FREM1: variants seen among roughly 807,000 people sequenced by gnomAD.
The protein encoded by FREM1 is FRAS1 related extracellular matrix 1.
FREM1 carries 220 observed loss-of-function variants against 210.1 expected under a neutral mutation model. The observed-to-expected ratio is 1.05, with a 90% CI of 0.94 to 1.17. The LOEUF is 1.17. Ranked by LOEUF, FREM1 falls within the 50% of genes most tolerant of loss-of-function variation. FREM1 has a pLI of 0.00. For missense variants in FREM1, 3,454 were observed against 2,675.5 expected (o/e 1.29, Z -6.42); for synonymous variants, 1,189 against 980.2 (o/e 1.21, Z -3.98).
intron 23 of FREM1, 113 bp from the exon 24 acceptor site, chr9:14,784,747 T>C (rs1435288183): frequency 1.9e-5 from 12 of 647,124 alleles, no homozygotes; most frequent in Non-Finnish European, 2.8e-5. Flanking sequence ...TAATACGACA[T>C]AGAAAGGTTT....
chr9:14,763,360 G>A (rs1845845503), intron 27 of FREM1, among the ~76,000 whole-genome samples: 1 of 152,118 alleles, frequency 6.6e-6, no homozygotes, highest in Non-Finnish European at 1.5e-5. Flanking sequence ...ACCCCCACTT[G>A]AGAACTTCTT....
At chr9:14,812,094 T>C (rs1819505846) in intron 16 of FREM1, among the ~76,000 whole-genome samples, 2 of 152,128 alleles carry the variant, frequency 1.3e-5, no homozygotes, top group Admixed American at 6.5e-5. Flanking sequence ...TGCATGCAAA[T>C]GGGTTTTGTC....
At chr9:14,812,297 G>A (rs1264065500) in intron 16 of FREM1, among the ~76,000 whole-genome samples, 1 of 152,202 alleles carries the variant, frequency 6.6e-6, no homozygotes, top group Non-Finnish European at 1.5e-5. Flanking sequence ...AACATTTTCT[G>A]TACATCTAAC....
intron 27 of FREM1, among the ~76,000 whole-genome samples, chr9:14,761,479 G>A (rs975961155): frequency 1.3e-5 from 2 of 152,090 alleles, no homozygotes; most frequent in Non-Finnish European, 2.9e-5. Flanking sequence ...GAAACTTTAT[G>A]GGTCTCTGAT....
intron 20 of FREM1, among the ~76,000 whole-genome samples, chr9:14,800,543 G>A (rs950558455): frequency 6.6e-6 from 1 of 152,066 alleles, no homozygotes; most frequent in Non-Finnish European, 1.5e-5. Context: ...TATTATATGT[G>A]GTTCTATATT....
At chr9:14,873,403 T>C (rs1012317986) in intron 1 of FREM1, among the ~76,000 whole-genome samples, 3 of 152,154 alleles carry the variant, frequency 2.0e-5, no homozygotes, top group Non-Finnish European at 4.4e-5. Context: ...CTTCGGAGGG[T>C]GTATGTGTCG....
intron 20 of FREM1, 107 bp downstream of exon 20, chr9:14,801,545 T>G: frequency 1.3e-6 from 1 of 769,230 alleles, no homozygotes; most frequent in Non-Finnish European, 2.1e-6. Context: ...TAACCATCAT[T>G]CTACTCTCTG....
At chr9:14,885,987 C>T (rs1412243630) in intron 1 of FREM1, among the ~76,000 whole-genome samples, 1 of 152,162 alleles carries the variant, frequency 6.6e-6, no homozygotes, top group Non-Finnish European at 1.5e-5. Context: ...TCAGCACCTC[C>T]CCAGTCCTCC....
chr9:14,896,538 C>A (rs1837759167), intron 1 of FREM1, among the ~76,000 whole-genome samples: 1 of 130,760 alleles, frequency 7.6e-6, no homozygotes, highest in Non-Finnish European at 1.6e-5. Flanking sequence ...GAGCGAGACT[C>A]CATCTCAAAA....
chr9:14,772,815 T>C (rs1321108884), intron 25 of FREM1, among the ~76,000 whole-genome samples: 1 of 152,160 alleles, frequency 6.6e-6, no homozygotes, highest in Non-Finnish European at 1.5e-5. Context: ...CTAAGCCATA[T>C]AAGAAATACC....
rs1405850115 is a variant in FREM1 at position 14,859,499 on chromosome 9, G to C, written c.330-15C>G. The stretch of plus-strand genomic sequence containing the variant: ...TTTCAGTAAATCTGTGGAGAACACA[G>C]GGCAAAAGCAATATTAATTGGTGCT... On this transcript the variant is annotated splice_polypyrimidine_tract_variant and intron_variant, in intron 3 of 36. Transcript: ENST00000380880. 6 of 1,597,666 alleles carry C rather than the reference G, an allele frequency of 3.8e-6. No individual in the cohort carries two copies. Among genetic ancestry groups the C allele is most frequent in the African/African-American group, 2.7e-5 (2 of 74,436 alleles).
intron 1 of FREM1, among the ~76,000 whole-genome samples, chr9:14,884,753 T>G (rs1014629421): frequency 6.6e-6 from 1 of 152,080 alleles, no homozygotes; most frequent in East Asian, 1.9e-4. Context: ...CTCAATGCAA[T>G]GGAAATTCTT....
At chr9:14,882,496 T>G (rs1437183340) in intron 1 of FREM1, among the ~76,000 whole-genome samples, 1 of 151,218 alleles carries the variant, frequency 6.6e-6, no homozygotes, top group Non-Finnish European at 1.5e-5. Flanking sequence ...ATTCTTGTTC[T>G]GTCACCCAGG....
At chr9:14,813,493 T>C (rs1819760232) in intron 15 of FREM1, among the ~76,000 whole-genome samples, 1 of 152,188 alleles carries the variant, frequency 6.6e-6, no homozygotes, top group African/African-American at 2.4e-5. Context: ...ACTTGGTGAT[T>C]ACAAAGCTTT....
Position 14,776,764 on chromosome 9 carries a change from T to G in FREM1, c.4443-561A>C, listed in dbSNP as rs539503912. 8.5e-5 allele frequency among the ~76,000 whole-genome samples: 13 copies of G among 152,294 alleles called. No individual in the cohort carries two copies. The South Asian group carries it at 2.7e-3, about 32-fold the overall frequency. On this transcript the variant is annotated intron_variant, in intron 24 of 36. Transcript: ENST00000380880. ...CATTTCTCAGACATGTAATCTCACT[T>G]AAATCATCTTCCCCTTCCAGGCCTC...
chr9:14,791,205 C>T (rs534259430), intron 22 of FREM1: 6 of 152,276 alleles, frequency 3.9e-5, no homozygotes, highest in African/African-American at 1.2e-4. Flanking sequence ...TTGGGCTGAT[C>T]CTTGGGCATC....
chr9:14,896,157 G>A (rs570818243), intron 1 of FREM1, among the ~76,000 whole-genome samples: 1 of 152,278 alleles, frequency 6.6e-6, no homozygotes, highest in Admixed American at 6.5e-5. Context: ...AGTGACCTCT[G>A]ATCGTCCTCA....
intron 1 of FREM1, among the ~76,000 whole-genome samples, chr9:14,872,139 T>G (rs574984309): frequency 1.3e-5 from 2 of 152,346 alleles, no homozygotes; most frequent in South Asian, 4.1e-4. Flanking sequence ...TAGGATTGAC[T>G]TGGCAATGCG....
At chr9:14,906,935 G>C (rs1334022874) in intron 1 of FREM1, among the ~76,000 whole-genome samples, 1 of 152,194 alleles carries the variant, frequency 6.6e-6, no homozygotes, top group African/African-American at 2.4e-5. Flanking sequence ...ACCTGAGAGT[G>C]AAAAGTGACA....
Sources: gnomAD v4.1 joint callset for allele counts (sites outside exome capture counted in the v4.1 genomes callset) on GRCh38, gnomAD v4.1.1 for gene constraint, MANE v1.5 for transcripts, NCBI Gene and HGNC (gene_info 2026-07-23, HGNC 2026-07-21) for gene names.